The following RGL1 variants were observed in gnomAD, a reference collection of about 807,000 sequenced individuals.
The protein encoded by RGL1 is ral guanine nucleotide dissociation stimulator like 1.
In RGL1, 24 loss-of-function variants were observed where a neutral mutation model predicts 95.2. The observed-to-expected ratio is 0.25, with a 90% CI of 0.18 to 0.35. RGL1 has a LOEUF of 0.35. Among genes scored for constraint, RGL1 ranks in the 10% least tolerant of loss-of-function variants. The pLI, the probability that RGL1 is intolerant of heterozygous loss-of-function variation, is 1.00. For synonymous variants in RGL1, 329 were observed against 344.9 expected (o/e 0.95, Z 0.51); for missense variants, 715 against 936.3 (o/e 0.76, Z 3.08).
At chr1:183,880,387 C>A (rs67035421) in intron 4 of RGL1, among the ~76,000 whole-genome samples, 24 of 50,532 alleles carry the variant, frequency 4.7e-4, no homozygotes, top group Non-Finnish European at 9.1e-5. Flanking sequence ...ACAACAACAA[C>A]AAAAAACCTT....
At chr1:183,888,113 T>G (rs1002940206) in intron 7 of RGL1, among the ~76,000 whole-genome samples, 7 of 152,186 alleles carry the variant, frequency 4.6e-5, no homozygotes, top group African/African-American at 1.7e-4. Context: ...AGATCTAAAG[T>G]GCATATTTTT....
intron 2 of RGL1, among the ~76,000 whole-genome samples, chr1:183,817,698 G>A (rs538090041): frequency 1.8e-4 from 28 of 152,270 alleles, no homozygotes; most frequent in African/African-American, 6.7e-4. Context: ...TGCTTAATAA[G>A]TGATTTACTT....
intron 2 of RGL1, among the ~76,000 whole-genome samples, chr1:183,765,559 T>G (rs534277813): frequency 6.6e-6 from 1 of 152,232 alleles, no homozygotes; most frequent in South Asian, 2.1e-4. Flanking sequence ...GTTCAATCCA[T>G]GCAATCAGCT....
intron 8 of RGL1, among the ~76,000 whole-genome samples, chr1:183,891,733 GTTTTTTTTTTTTTTT>G (rs57974956): frequency 8.1e-6 from 1 of 123,948 alleles, no homozygotes. Context: ...GTGTGTAACA[GTTTTTTTTTTTTTTT>G]TTTTTTTTTT....
chr1:183,716,434 T>C (rs1240891112), intron 1 of RGL1, among the ~76,000 whole-genome samples: 1 of 152,236 alleles, frequency 6.6e-6, no homozygotes, highest in Non-Finnish European at 1.5e-5. Flanking sequence ...AAGAGGCCTC[T>C]TCATCTTTAA....
rs112010375 is a variant in RGL1, at chr1:183,651,171, A to T, written c.-33+14670A>T. Among the ~76,000 whole-genome samples, 608 of 152,260 alleles carry T rather than the reference A, an allele frequency of 4.0e-3. 4 individuals carry two copies. The highest frequency in any genetic ancestry group is 0.014 in the African/African-American group (576 of 41,534). On this transcript the variant is annotated intron_variant, in intron 1 of 18. Transcript: ENST00000304685. Reference sequence around the variant, plus strand: ...ATTTTTTTTCTTATTGTATTTAGAAATGCCTTCCTCATCAAAGCATAATTA... The same window carrying T: ...ATTTTTTTTCTTATTGTATTTAGAATTGCCTTCCTCATCAAAGCATAATTA...
In RGL1 at chr1:183,928,047, G is replaced by A. The variant is rs548905253; in HGVS notation, c.*1755G>A. 1 of 152,426 alleles carries A rather than the reference G, an allele frequency of 6.6e-6. No homozygotes were observed. Among genetic ancestry groups the A allele is most frequent in the South Asian group, 2.1e-4 (1 of 4,812 alleles). The allele number at this position is 152,426 out of a possible 1,614,324, so 9.4% of individuals were successfully genotyped here. A position where few individuals can be genotyped will look rare whatever the true frequency, so the allele number is the denominator to read the frequency against. ...AACTAGTCAAAAAGCACTTTCTTCT[G>A]TTTTCAATCCCTGTTCGATTTGTGC... On this transcript the variant is annotated 3_prime_UTR_variant, in exon 18 of 18. Transcript: ENST00000360851.
intron 2 of RGL1, among the ~76,000 whole-genome samples, chr1:183,743,778 A>G (rs998853162): frequency 1.3e-5 from 2 of 152,052 alleles, no homozygotes; most frequent in South Asian, 2.1e-4. Flanking sequence ...AATCATAACA[A>G]GTGGAAATAT....
intron 2 of RGL1, among the ~76,000 whole-genome samples, chr1:183,747,803 G>A (rs2102273270): frequency 6.6e-6 from 1 of 152,172 alleles, no homozygotes; most frequent in African/African-American, 2.4e-5. Context: ...TTCTTTTTTT[G>A]TTGTGTCTCT....
rs367783044 is a variant in RGL1 at position 183,647,845 on chromosome 1, G to A, written c.-33+11344G>A. The A allele has an allele frequency of 4.2e-5, 68 of 1,614,046 alleles. No individual in the cohort carries two copies. The Middle Eastern group carries it at 6.6e-4, about 16-fold the overall frequency. The stretch of plus-strand genomic sequence containing the variant: ...TTTAAGTGCCTTACGATATTCCTGG[G>A]TTTATTTGGGTTTTGGCCCATATGC... On this transcript the variant is annotated intron_variant, in intron 1 of 18. Coordinates refer to the RGL1 transcript ENST00000304685.
chr1:183,676,748 T>G (rs1191175549), intron 1 of RGL1, among the ~76,000 whole-genome samples: 1 of 143,344 alleles, frequency 7.0e-6, no homozygotes, highest in Non-Finnish European at 1.6e-5. Flanking sequence ...CAGGGGCCTC[T>G]GGCTTTGGAG....
chr1:183,810,265 A>G (rs1027621879), intron 2 of RGL1, among the ~76,000 whole-genome samples: 1 of 152,190 alleles, frequency 6.6e-6, no homozygotes, highest in Non-Finnish European at 1.5e-5. Flanking sequence ...TCAGCCTAAG[A>G]TAAGTTCCAA....
chr1:183,781,859 C>T (rs1476505026), intron 2 of RGL1, among the ~76,000 whole-genome samples: 1 of 152,146 alleles, frequency 6.6e-6, no homozygotes, highest in African/African-American at 2.4e-5. Flanking sequence ...ATTTTTAAAA[C>T]CACAACAAAC....
rs1312780427 is a variant in RGL1, at chr1:183,927,825, T to C, written c.*1533T>C. The stretch of plus-strand genomic sequence containing the variant: ...ATTGTAACATGGAGCTATTTTTTTT[T>C]CTTAATCCCATAATACAGCTCCTAA... On this transcript the variant is annotated 3_prime_UTR_variant, in exon 18 of 18. Coordinates refer to ENST00000360851, the MANE Select transcript of RGL1 (RefSeq NM_001297671.3). 2 of 152,624 alleles carry C rather than the reference T, an allele frequency of 1.3e-5. No homozygotes were observed. Among genetic ancestry groups the C allele is most frequent in the East Asian group, 1.9e-4 (1 of 5,198 alleles). The allele number at this position is 152,624 out of a possible 1,614,324, so 9.5% of individuals were successfully genotyped here. A position where few individuals can be genotyped will look rare whatever the true frequency, so the allele number is the denominator to read the frequency against.
In RGL1 at chr1:183,654,082, C is replaced by T. The variant is rs544018763; in HGVS notation, c.-33+17581C>T. ...AAAAATAACTCAGGGATACTGAGCA[C>T]CCAGAGGGCACCTTCTGTCTTCTCG... On this transcript the variant is annotated intron_variant, in intron 1 of 18. Transcript: ENST00000304685. 5.9e-5 allele frequency among the ~76,000 whole-genome samples: 9 copies of T among 152,312 alleles called. No individual in the cohort carries two copies. In the South Asian group the frequency reaches 1.2e-3, roughly 21 times the overall value.
chr1:183,874,293 G>A (rs1282660790), intron 4 of RGL1, among the ~76,000 whole-genome samples: 1 of 152,118 alleles, frequency 6.6e-6, no homozygotes, highest in Non-Finnish European at 1.5e-5. Context: ...TAACCTCTGT[G>A]CTGCATGACC....
intron 1 of RGL1, among the ~76,000 whole-genome samples, chr1:183,738,235 C>T (rs1281106948): frequency 6.6e-6 from 1 of 152,150 alleles, no homozygotes; most frequent in Non-Finnish European, 1.5e-5. Flanking sequence ...GCCTGGCCAA[C>T]ATGGCGAAAC....
chr1:183,756,995 A>C (rs1658374062), intron 2 of RGL1, among the ~76,000 whole-genome samples: 1 of 149,864 alleles, frequency 6.7e-6, no homozygotes, highest in Admixed American at 6.7e-5. Flanking sequence ...TCACCATTGG[A>C]TAACACTTAG....
intron 2 of RGL1, among the ~76,000 whole-genome samples, chr1:183,790,824 A>G (rs1348422081): frequency 6.6e-6 from 1 of 152,128 alleles, no homozygotes; most frequent in East Asian, 1.9e-4. Flanking sequence ...ATAAGTCATT[A>G]ATTCTTATTA....
Sources: allele counts gnomAD v4.1 joint callset (sites outside exome capture counted in the v4.1 genomes callset), GRCh38; gene constraint gnomAD v4.1.1; transcripts MANE v1.5; gene names NCBI Gene and HGNC (gene_info 2026-07-23, HGNC 2026-07-21).